The following DNAJC21 variants were observed in gnomAD, a reference collection of about 807,000 sequenced individuals.
DNAJC21 encodes the protein DnaJ heat shock protein family (Hsp40) member C21, also known as dnaJ homolog subfamily C member 21.
A neutral mutation model predicts 72.4 loss-of-function variants in DNAJC21; 63 were observed. The observed-to-expected ratio is 0.87, with a 90% CI of 0.71 to 1.07. The LOEUF (loss-of-function observed/expected upper bound fraction) is 1.07, where lower values mean the gene tolerates loss of function less well. DNAJC21 is among the 50% of genes least tolerant of loss of function. The pLI, the probability that DNAJC21 is intolerant of heterozygous loss-of-function variation, is 0.00. For synonymous variants in DNAJC21, 203 were observed against 216.7 expected (o/e 0.94, Z 0.56); for missense variants, 634 against 644.8 (o/e 0.98, Z 0.18).
intron 6 of DNAJC21, among the ~76,000 whole-genome samples, chr5:34,940,690 T>C (rs1764957884): frequency 6.6e-6 from 1 of 152,242 alleles, no homozygotes; most frequent in African/African-American, 2.4e-5. Context: ...GTTATAAACT[T>C]ATAAACTAAG....
chr5:34,950,495 G>A, intron 10 of DNAJC21, 153 bp downstream of exon 10: 1 of 1,336,192 alleles, frequency 7.5e-7, no homozygotes, highest in Non-Finnish European at 9.6e-7. Flanking sequence ...ACACACATAT[G>A]TATACAGATG....
At chr5:34,946,837 A>G (rs1374463936) in intron 9 of DNAJC21, among the ~76,000 whole-genome samples, 1 of 152,174 alleles carries the variant, frequency 6.6e-6, no homozygotes, top group Non-Finnish European at 1.5e-5. Flanking sequence ...TTAATGGAGC[A>G]TAGATTCTAT....
intron 9 of DNAJC21, chr5:34,949,535 A>C: frequency 6.4e-7 from 1 of 1,553,020 alleles, no homozygotes; most frequent in Non-Finnish European, 8.7e-7. Context: ...GAATGTTTTG[A>C]TTCTTAGGAT....
chr5:34,936,717 C>T (rs921615816), intron 4 of DNAJC21, among the ~76,000 whole-genome samples: 10 of 152,090 alleles, frequency 6.6e-5, no homozygotes, highest in Non-Finnish European at 1.5e-4. Context: ...TTGCAACCTT[C>T]CCCCTTTACT....
chr5:34,958,646 T>A lies in DNAJC21; in HGVS notation c.*3932T>A, dbSNP rs1765600682. ...TGCAATGCATGGAACTGTCAAAGGA[T>A]TCGTATCTGGAATACATTAAAGAAG... On this transcript the variant is annotated 3_prime_UTR_variant, in exon 12 of 12. Transcript: ENST00000648817. 6.6e-6 allele frequency: 1 copy of A among 152,170 alleles called. No individual in the cohort carries two copies. The highest frequency in any genetic ancestry group is 1.5e-5 in the Non-Finnish European group (1 of 68,040). 9.4% of individuals were successfully genotyped at this position (152,170 alleles called of 1,614,324 possible).
rs200160627 is a variant in DNAJC21 at position 34,950,238 on chromosome 5, C to T, written c.1254C>T (p.Asn418=). 17 of 1,613,652 alleles carry T rather than the reference C, an allele frequency of 1.1e-5. No homozygotes were observed. The highest frequency in any genetic ancestry group is 1.4e-5 in the Non-Finnish European group (16 of 1,179,886). The change falls in exon 10 of 12, where the codon AAC becomes AAT. Residue 418 remains asparagine (N), a synonymous_variant. Transcript: ENST00000648817. The stretch of plus-strand genomic sequence containing the variant: ...TAAAGGTTGATCCAGAAGATACTAA[C>T]TTAAATCAAGACAGTGCCAAAGAAT... ...EGVKVDPEDT[N]LNQDSAKELE...
intron 1 of DNAJC21, among the ~76,000 whole-genome samples, chr5:34,933,558 C>T (rs567793674): frequency 9.9e-5 from 15 of 152,232 alleles, no homozygotes; most frequent in Admixed American, 2.0e-4. Flanking sequence ...TTACAGTGGG[C>T]GTGAGCCATC....
At chr5:34,940,763 A>T (rs1325292864) in intron 6 of DNAJC21, among the ~76,000 whole-genome samples, 1 of 152,234 alleles carries the variant, frequency 6.6e-6, no homozygotes, top group African/African-American at 2.4e-5. Context: ...CTTGCTCAAG[A>T]GGTAAACTAA....
At chr5:34,940,165 T>C (rs1764939781) in intron 6 of DNAJC21, among the ~76,000 whole-genome samples, 3 of 152,216 alleles carry the variant, frequency 2.0e-5, no homozygotes, top group African/African-American at 7.2e-5. Flanking sequence ...TCTGAGAAGC[T>C]ATGAGATGTG....
At chr5:34,949,475 G>A in intron 9 of DNAJC21, 2 of 1,545,572 alleles carry the variant, frequency 1.3e-6, no homozygotes, top group Non-Finnish European at 1.7e-6. Context: ...TGTGGGTTGT[G>A]TAACAGATAA....
intron 7 of DNAJC21, among the ~76,000 whole-genome samples, chr5:34,943,438 G>T (rs1012628499): frequency 6.6e-6 from 1 of 152,198 alleles, no homozygotes; most frequent in African/African-American, 2.4e-5. Context: ...CTGGAGACAC[G>T]TAAAGTCCTT....
chr5:34,943,437 C>A (rs890147883), intron 7 of DNAJC21, among the ~76,000 whole-genome samples: 1 of 152,210 alleles, frequency 6.6e-6, no homozygotes, highest in African/African-American at 2.4e-5. Context: ...GCTGGAGACA[C>A]GTAAAGTCCT....
chr5:34,935,722 T>G lies in DNAJC21; in HGVS notation c.204T>G (p.His68Gln). 6.2e-7 allele frequency: 1 copy of G among 1,613,996 alleles called. No individual in the cohort carries two copies. Residue 68 changes from histidine (H) to glutamine (Q), a missense_variant, in exon 3 of 12, where the codon CAT (histidine) becomes CAG (glutamine). Physicochemically the swap from His to Gln is conservative, Grantham distance 24 (BLOSUM62 0). Coordinates refer to ENST00000648817, the MANE Select transcript of DNAJC21 (RefSeq NM_001012339.3). Reference protein sequence around the residue: ...DPQERAWYDNHREALLKGGFD... With the variant: ...DPQERAWYDNQREALLKGGFD... ...TTTTGTTTTTCAGGTATGATAATCA[T>G]AGAGAGGCCCTACTTAAAGGTGGGT...
At chr5:34,941,047 T>A in intron 6 of DNAJC21, 49 bp from the exon 7 acceptor site, 1 of 1,407,774 alleles carries the variant, frequency 7.1e-7, no homozygotes, top group Non-Finnish European at 1.0e-6. Flanking sequence ...ATATTTTAGA[T>A]TTGTGCTCTG....
intron 1 of DNAJC21, 100 bp from the exon 2 acceptor site, chr5:34,933,715 T>A: frequency 1.2e-6 from 1 of 816,416 alleles, no homozygotes; most frequent in African/African-American, 1.7e-5. Flanking sequence ...TCTTGTTTTG[T>A]GCACGTCTCA....
chr5:34,946,783 A>G (rs1765186455), intron 9 of DNAJC21, among the ~76,000 whole-genome samples: 1 of 152,136 alleles, frequency 6.6e-6, no homozygotes. Flanking sequence ...GGACAAAATA[A>G]ATGGAGAGAG....
intron 4 of DNAJC21, among the ~76,000 whole-genome samples, chr5:34,937,020 G>A (rs1170617116): frequency 6.6e-6 from 1 of 152,046 alleles, no homozygotes; most frequent in Non-Finnish European, 1.5e-5. Flanking sequence ...CAAAGTGCTG[G>A]GATTACAGGC....
intron 6 of DNAJC21, among the ~76,000 whole-genome samples, 200 bp downstream of exon 6, chr5:34,939,209 G>C (rs1261338667): frequency 6.6e-6 from 1 of 151,900 alleles, no homozygotes; most frequent in Non-Finnish European, 1.5e-5. Flanking sequence ...CCTAAACAGT[G>C]TGTACTTCTA....
chr5:34,937,187 C>T (rs1764807667), intron 4 of DNAJC21, 139 bp from the exon 5 acceptor site: 1 of 869,718 alleles, frequency 1.1e-6, no homozygotes, highest in Non-Finnish European at 1.7e-6. Context: ...CTTAAAAGTA[C>T]TGTCTTCTCC....
Sources: gnomAD v4.1 joint callset for allele counts (sites outside exome capture counted in the v4.1 genomes callset) on GRCh38, gnomAD v4.1.1 for gene constraint, MANE v1.5 for transcripts, NCBI Gene and HGNC (gene_info 2026-07-23, HGNC 2026-07-21) for gene names.